Variants in GRIA4 observed in about 807,000 individuals in gnomAD.
GRIA4 encodes the protein glutamate ionotropic receptor AMPA type subunit 4.
GRIA4 carries 34 observed loss-of-function variants against 104.0 expected under a neutral mutation model. The ratio of observed to expected loss-of-function variants is 0.33; its 90% CI spans 0.25 to 0.44. GRIA4 has a LOEUF of 0.44. Ranked by LOEUF, GRIA4 falls within the 20% of genes least tolerant of loss-of-function variation. The pLI is 1.00. For synonymous variants in GRIA4, 386 were observed against 381.9 expected (o/e 1.01, Z -0.13); for missense variants, 750 against 1,096.5 (o/e 0.68, Z 4.46).
chr11:105,754,829 T>C (rs1940207399), intron 4 of GRIA4, among the ~76,000 whole-genome samples: 1 of 152,238 alleles, frequency 6.6e-6, no homozygotes, highest in Admixed American at 6.5e-5. Context: ...ACATTACTGC[T>C]ACGGAAGCTT....
chr11:105,715,318 T>C lies in GRIA4; in HGVS notation c.248-37663T>C, dbSNP rs190093956. On this transcript the variant is annotated intron_variant, in intron 3 of 16. Coordinates refer to ENST00000282499, the MANE Select transcript of GRIA4 (RefSeq NM_000829.4). ...ACTACCTTCCCTATATTAAGTCTTA[T>C]GTTTGAAACATCTTTTAGAATTTAG... Among the ~76,000 whole-genome samples, 416 of 152,326 alleles carry C rather than the reference T, an allele frequency of 2.7e-3. 3 individuals are homozygous for C. The highest frequency in any genetic ancestry group is 9.4e-3 in the African/African-American group (392 of 41,578).
chr11:105,969,528 G>A (rs684470), intron 14 of GRIA4, among the ~76,000 whole-genome samples: 98,373 of 151,978 alleles, frequency 0.65, 31,891 homozygotes, highest in Middle Eastern at 0.73. Flanking sequence ...AGAAAAGACT[G>A]CTTTAAGAGG....
At chr11:105,740,012 A>G (rs1939208299) in intron 3 of GRIA4, among the ~76,000 whole-genome samples, 1 of 152,156 alleles carries the variant, frequency 6.6e-6, no homozygotes, top group South Asian at 2.1e-4. Context: ...TAGGCTCTAC[A>G]TTGCCAGATG....
At chr11:105,905,105 C>A in intron 8 of GRIA4, 92 bp from the exon 9 acceptor site, 1 of 714,702 alleles carries the variant, frequency 1.4e-6, no homozygotes. Flanking sequence ...TATAGTTCTA[C>A]TTTTTTAAGT....
intron 5 of GRIA4, among the ~76,000 whole-genome samples, chr11:105,878,915 G>A (rs1314389252): frequency 2.0e-5 from 3 of 152,152 alleles, no homozygotes; most frequent in Non-Finnish European, 4.4e-5. Context: ...CTGTCTCACT[G>A]GCATTCCAGG....
At chr11:105,797,525 T>G (rs1942532536) in intron 4 of GRIA4, among the ~76,000 whole-genome samples, 1 of 152,156 alleles carries the variant, frequency 6.6e-6, no homozygotes, top group African/African-American at 2.4e-5. Flanking sequence ...GTGTTTTTCT[T>G]GGAATACCAC....
chr11:105,747,367 G>A (rs959234642), intron 3 of GRIA4, among the ~76,000 whole-genome samples: 4 of 152,020 alleles, frequency 2.6e-5, no homozygotes, highest in Non-Finnish European at 5.9e-5. Context: ...ACACAAAATA[G>A]TATCAAATTA....
intron 3 of GRIA4, among the ~76,000 whole-genome samples, chr11:105,743,879 T>G (rs1379100979): frequency 6.6e-6 from 1 of 152,224 alleles, no homozygotes; most frequent in Non-Finnish European, 1.5e-5. Context: ...TTTATTAGAT[T>G]CTGCCTATTT....
chr11:105,724,768 A>T (rs962836752), intron 3 of GRIA4, among the ~76,000 whole-genome samples: 29 of 152,294 alleles, frequency 1.9e-4, no homozygotes, highest in African/African-American at 6.5e-4. Context: ...TTGTACTTAT[A>T]GCCCTTAAAT....
intron 3 of GRIA4, among the ~76,000 whole-genome samples, chr11:105,722,473 C>T (rs983814006): frequency 2.0e-5 from 3 of 152,064 alleles, no homozygotes; most frequent in African/African-American, 7.2e-5. Context: ...AGAGAAGCAT[C>T]TGTACTAGGC....
intron 10 of GRIA4, among the ~76,000 whole-genome samples, chr11:105,916,435 ATATTT>A (rs1009678755): frequency 2.0e-5 from 3 of 152,170 alleles, no homozygotes; most frequent in Non-Finnish European, 4.4e-5. Context: ...TTTCACTGCT[ATATTT>A]TATTATTGTT....
chr11:105,864,431 A>G (rs1945336124), intron 5 of GRIA4, among the ~76,000 whole-genome samples: 1 of 152,234 alleles, frequency 6.6e-6, no homozygotes, highest in African/African-American at 2.4e-5. Context: ...CAAAAAACCA[A>G]CCAAAGCATT....
intron 16 of GRIA4, among the ~76,000 whole-genome samples, chr11:105,976,813 G>A (rs1387557207): frequency 6.6e-6 from 1 of 151,932 alleles, no homozygotes; most frequent in African/African-American, 2.4e-5. Context: ...AAGTTTTCCA[G>A]TTTGAGGAAC....
At chr11:105,640,988 A>C (rs2135347765) in intron 3 of GRIA4, among the ~76,000 whole-genome samples, 1 of 152,232 alleles carries the variant, frequency 6.6e-6, no homozygotes, top group Non-Finnish European at 1.5e-5. Context: ...CATTATTCTT[A>C]GCCTAATTAT....
intron 4 of GRIA4, among the ~76,000 whole-genome samples, chr11:105,762,339 G>A (rs1940700617): frequency 6.6e-6 from 1 of 152,106 alleles, no homozygotes; most frequent in African/African-American, 2.4e-5. Flanking sequence ...AGTCTTAATA[G>A]TTAAACTATA....
intron 14 of GRIA4, among the ~76,000 whole-genome samples, chr11:105,956,691 C>A (rs1197293193): frequency 6.6e-6 from 1 of 152,194 alleles, no homozygotes; most frequent in East Asian, 1.9e-4. Flanking sequence ...ACACTGTCTT[C>A]CACAATGGTT....
intron 3 of GRIA4, among the ~76,000 whole-genome samples, chr11:105,687,056 C>G (rs889524806): frequency 6.6e-6 from 1 of 152,096 alleles, no homozygotes; most frequent in Non-Finnish European, 1.5e-5. Context: ...TGTGCAGAAG[C>G]TCTTTAGTTA....
At chr11:105,757,289 T>C (rs980891304) in intron 4 of GRIA4, among the ~76,000 whole-genome samples, 10 of 152,086 alleles carry the variant, frequency 6.6e-5, no homozygotes, top group African/African-American at 2.4e-4. Flanking sequence ...GGGAGGCGTG[T>C]GCCTATCCCC....
intron 3 of GRIA4, among the ~76,000 whole-genome samples, chr11:105,630,606 T>G (rs1951011114): frequency 6.6e-6 from 1 of 152,068 alleles, no homozygotes; most frequent in African/African-American, 2.4e-5. Flanking sequence ...TATGTAGATA[T>G]GAAAATGAAG....
Sources: allele counts gnomAD v4.1 joint callset (sites outside exome capture counted in the v4.1 genomes callset), GRCh38; gene constraint gnomAD v4.1.1; transcripts MANE v1.5; gene names NCBI Gene and HGNC (gene_info 2026-07-23, HGNC 2026-07-21).